FILIP1L: variants seen among roughly 807,000 people sequenced by gnomAD.
FILIP1L encodes the protein filamin A interacting protein 1 like.
A neutral mutation model predicts 96.6 loss-of-function variants in FILIP1L; 55 were observed. The ratio of observed to expected loss-of-function variants is 0.57; its 90% CI spans 0.46 to 0.71. FILIP1L has a LOEUF of 0.71. Among genes scored for constraint, FILIP1L ranks in the 30% least tolerant of loss-of-function variants. The pLI, the probability that FILIP1L is intolerant of heterozygous loss-of-function variation, is 0.00. For synonymous variants in FILIP1L, 467 were observed against 473.9 expected, an observed-to-expected ratio of 0.99 and a Z score of 0.19; for missense variants, 1,304 against 1,321.2, an observed-to-expected ratio of 0.99 and a Z score of 0.20.
chr3:99,882,089 T>C (rs1328059400), intron 4 of FILIP1L, among the ~76,000 whole-genome samples: 3 of 152,194 alleles, frequency 2.0e-5, no homozygotes, highest in Non-Finnish European at 4.4e-5. Context: ...ATAGAGCAAT[T>C]CCTGAGCATA....
intron 4 of FILIP1L, among the ~76,000 whole-genome samples, chr3:99,876,811 A>T (rs1705549652): frequency 6.6e-6 from 1 of 152,156 alleles, no homozygotes. Flanking sequence ...CTCTTTCCCC[A>T]TTTCTGCATG....
intron 4 of FILIP1L, among the ~76,000 whole-genome samples, chr3:99,917,372 C>T (rs1474412939): frequency 6.6e-6 from 1 of 152,050 alleles, no homozygotes; most frequent in Non-Finnish European, 1.5e-5. Context: ...TTGGACCTCC[C>T]GTAACACCAG....
Position 99,935,016 on chromosome 3 carries a change from G to C in FILIP1L, c.-10-3986C>G, listed in dbSNP as rs149273654. Reference sequence around the variant, plus strand: ...TACTGAGGAGCATGTGTCTCTACATGTTTACAGTGGTGGAGTTTCCTTGCC... The same window carrying C: ...TACTGAGGAGCATGTGTCTCTACATCTTTACAGTGGTGGAGTTTCCTTGCC... On this transcript the variant is annotated intron_variant, in intron 1 of 5. Transcript: ENST00000477258. 3.1e-3 allele frequency among the ~76,000 whole-genome samples: 468 copies of C among 152,224 alleles called. 4 individuals are homozygous for C. The highest frequency in any genetic ancestry group is 0.011 in the African/African-American group (443 of 41,526).
intron 1 of FILIP1L, among the ~76,000 whole-genome samples, chr3:100,004,029 A>G (rs1359448915): frequency 6.6e-6 from 1 of 152,206 alleles, no homozygotes; most frequent in Non-Finnish European, 1.5e-5. Context: ...TGCCTCTCTC[A>G]GGGTAAGCAT....
intron 1 of FILIP1L, among the ~76,000 whole-genome samples, chr3:100,068,422 T>C (rs1471593090): frequency 1.3e-5 from 2 of 152,118 alleles, no homozygotes; most frequent in South Asian, 2.1e-4. Context: ...TAAACACATT[T>C]AACTACAAAA....
At chr3:100,078,182 G>A (rs1369707401) in intron 1 of FILIP1L, among the ~76,000 whole-genome samples, 2 of 152,018 alleles carry the variant, frequency 1.3e-5, no homozygotes, top group African/African-American at 4.8e-5. Context: ...CCATTCCTCA[G>A]AACAACTAAA....
In FILIP1L at chr3:99,963,896, GT is replaced by G. The variant is rs1434125108; in HGVS notation, c.-10-32867del. Reference sequence around the variant, plus strand: ...CTCCCAAAGTCCTGGGATTACAGGTGTGAGCCACCGCGCCCAGCCACATCCA... The same window carrying G: ...CTCCCAAAGTCCTGGGATTACAGGTGGAGCCACCGCGCCCAGCCACATCCA... On this transcript the variant is annotated intron_variant, in intron 1 of 5. Transcript: ENST00000477258. Among the ~76,000 whole-genome samples the G allele has an allele frequency of 5.3e-5, 8 of 152,246 alleles. 1 individual carries two copies. Among genetic ancestry groups the G allele is most frequent in the Non-Finnish European group, 7.4e-5 (5 of 68,006 alleles).
intron 1 of FILIP1L, among the ~76,000 whole-genome samples, chr3:100,035,484 G>A (rs1399152234): frequency 1.3e-5 from 2 of 152,158 alleles, no homozygotes; most frequent in Admixed American, 6.5e-5. Context: ...TGTTGGCCAG[G>A]CTGGTCTCGA....
intron 1 of FILIP1L, among the ~76,000 whole-genome samples, chr3:99,960,617 G>A (rs4244712): frequency 0.31 from 47,248 of 152,034 alleles, 9,185 homozygotes; most frequent in East Asian, 0.49. Context: ...CTTTTTACCT[G>A]CTTCCTAATC....
intron 1 of FILIP1L, among the ~76,000 whole-genome samples, chr3:100,050,381 G>A (rs2065349646): frequency 6.6e-6 from 1 of 152,118 alleles, no homozygotes; most frequent in African/African-American, 2.4e-5. Context: ...TGCTCAGTAT[G>A]AAAATTTTAA....
chr3:99,977,542 G>A (rs761595191), intron 1 of FILIP1L, among the ~76,000 whole-genome samples: 1 of 151,954 alleles, frequency 6.6e-6, no homozygotes, highest in Non-Finnish European at 1.5e-5. Flanking sequence ...ATGTAAGCAA[G>A]TAATTACCTC....
chr3:99,917,407 T>G (rs2107646393), intron 4 of FILIP1L, among the ~76,000 whole-genome samples: 1 of 152,342 alleles, frequency 6.6e-6, no homozygotes, highest in Admixed American at 6.5e-5. Flanking sequence ...TACCTAGGAA[T>G]GATTCTAGGG....
At chr3:100,001,385 A>G (rs1243680072) in intron 1 of FILIP1L, among the ~76,000 whole-genome samples, 3 of 152,332 alleles carry the variant, frequency 2.0e-5, no homozygotes, top group South Asian at 4.1e-4. Flanking sequence ...AAAATCTGAA[A>G]TATTACTATC....
intron 4 of FILIP1L, among the ~76,000 whole-genome samples, chr3:99,908,379 C>T (rs1043159427): frequency 2.0e-5 from 3 of 152,232 alleles, no homozygotes; most frequent in African/African-American, 7.2e-5. Flanking sequence ...CTTAAAAGAA[C>T]ATTTGAACCA....
intron 1 of FILIP1L, among the ~76,000 whole-genome samples, chr3:99,950,855 AAGAG>A (rs1041622251): frequency 2.7e-5 from 4 of 150,214 alleles, no homozygotes; most frequent in South Asian, 2.1e-4. Context: ...AGTAAAAATA[AAGAG>A]AGAGAGAGAG....
At chr3:99,886,796 C>G (rs897261934) in intron 4 of FILIP1L, among the ~76,000 whole-genome samples, 1 of 150,796 alleles carries the variant, frequency 6.6e-6, no homozygotes, top group African/African-American at 2.4e-5. Context: ...CTACTAGAAA[C>G]CAGTATCTAC....
At chr3:100,038,769 G>T (rs2065152687) in intron 1 of FILIP1L, among the ~76,000 whole-genome samples, 1 of 152,166 alleles carries the variant, frequency 6.6e-6, no homozygotes, top group African/African-American at 2.4e-5. Flanking sequence ...CCAAGTAGCT[G>T]AGATTACAGG....
At chr3:99,979,271 C>T (rs1382451423) in intron 1 of FILIP1L, among the ~76,000 whole-genome samples, 1 of 152,114 alleles carries the variant, frequency 6.6e-6, no homozygotes, top group Non-Finnish European at 1.5e-5. Flanking sequence ...GAATGAGACT[C>T]TACCTAAAAT....
chr3:100,007,554 T>C (rs1049935282), intron 1 of FILIP1L, among the ~76,000 whole-genome samples: 2 of 151,728 alleles, frequency 1.3e-5, no homozygotes, highest in African/African-American at 4.8e-5. Context: ...AAGAAGAGAG[T>C]CAGGGACAAA....
Sources: allele counts gnomAD v4.1 joint callset (sites outside exome capture counted in the v4.1 genomes callset), GRCh38; gene constraint gnomAD v4.1.1; transcripts MANE v1.5; gene names NCBI Gene and HGNC (gene_info 2026-07-23, HGNC 2026-07-21).